RBKS: variants seen among roughly 807,000 people sequenced by gnomAD.
The protein encoded by RBKS is ribokinase.
In RBKS, 33 loss-of-function variants were observed where a neutral mutation model predicts 33.9. The ratio of observed to expected loss-of-function variants is 0.97; its 90% CI spans 0.74 to 1.30. RBKS has a LOEUF of 1.30. RBKS is among the 50% of genes most tolerant of loss of function. The pLI is 0.00. For missense variants in RBKS, 361 were observed against 392.6 expected, an observed-to-expected ratio of 0.92 and a Z score of 0.68; for synonymous variants, 125 against 143.0, an observed-to-expected ratio of 0.87 and a Z score of 0.90.
intron 4 of RBKS, among the ~76,000 whole-genome samples, chr2:27,845,467 T>C (rs1156606073): frequency 6.6e-6 from 1 of 152,162 alleles, no homozygotes; most frequent in Non-Finnish European, 1.5e-5. Flanking sequence ...ACATTATATC[T>C]TTGCATGGAA....
chr2:27,881,370 G>A (rs1268816712), intron 1 of RBKS, among the ~76,000 whole-genome samples: 3 of 151,856 alleles, frequency 2.0e-5, no homozygotes, highest in East Asian at 3.9e-4. Context: ...GCGAAACCCC[G>A]TCTCTACTAA....
chr2:27,840,023 T>C (rs567845637), intron 5 of RBKS, among the ~76,000 whole-genome samples: 72 of 136,892 alleles, frequency 5.3e-4, no homozygotes, highest in East Asian at 2.5e-3. Flanking sequence ...TCTTCTTCTT[T>C]TTTTTTTTTT....
chr2:27,874,761 G>C (rs1378622245), intron 1 of RBKS, among the ~76,000 whole-genome samples: 3 of 152,030 alleles, frequency 2.0e-5, no homozygotes, highest in African/African-American at 7.2e-5. Context: ...AATTTATGGG[G>C]AGTTTAAAAA....
intron 5 of RBKS, among the ~76,000 whole-genome samples, chr2:27,841,036 T>C (rs1405249821): frequency 2.6e-5 from 4 of 152,126 alleles, no homozygotes; most frequent in African/African-American, 7.2e-5. Flanking sequence ...TTAATAAAAG[T>C]GTGAAGTAGG....
intron 7 of RBKS, among the ~76,000 whole-genome samples, chr2:27,802,004 T>A (rs1355648471): frequency 2.6e-5 from 3 of 113,670 alleles, no homozygotes; most frequent in African/African-American, 7.1e-5. Context: ...TTTTTTTTTT[T>A]TTTTTTTTTT....
chr2:27,863,142 G>A (rs1664023210), intron 1 of RBKS, among the ~76,000 whole-genome samples: 1 of 152,096 alleles, frequency 6.6e-6, no homozygotes, highest in Non-Finnish European at 1.5e-5. Context: ...TCTGAATGAG[G>A]GAGAAAACCT....
chr2:27,857,958 G>A (rs770825142), intron 2 of RBKS, among the ~76,000 whole-genome samples: 4 of 152,136 alleles, frequency 2.6e-5, no homozygotes, highest in Non-Finnish European at 4.4e-5. Context: ...AACAGCCCAA[G>A]TGTCCATCAA....
rs148136621 is a variant in RBKS at position 27,838,061 on chromosome 2, G to A, written c.514+5006C>T. Among the ~76,000 whole-genome samples the A allele has an allele frequency of 9.0e-3, 1,371 of 152,222 alleles. 24 individuals carry two copies. Among genetic ancestry groups the A allele is most frequent in the African/African-American group, 0.031 (1,277 of 41,528 alleles). Reference sequence around the variant, plus strand: ...TTAAAAATACAAAAATTAGCTGGGTGTGGTGGTGCCTGCCTGTAATCCCAG... The same window carrying A: ...TTAAAAATACAAAAATTAGCTGGGTATGGTGGTGCCTGCCTGTAATCCCAG... On this transcript the variant is annotated intron_variant, in intron 5 of 7. Coordinates refer to ENST00000302188, the MANE Select transcript of RBKS (RefSeq NM_022128.3).
chr2:27,807,743 T>G (rs538500732), intron 7 of RBKS, among the ~76,000 whole-genome samples: 1 of 152,250 alleles, frequency 6.6e-6, no homozygotes, highest in African/African-American at 2.4e-5. Flanking sequence ...TACCCTGAGT[T>G]TTTGGTTGTG....
intron 7 of RBKS, among the ~76,000 whole-genome samples, chr2:27,801,710 G>A (rs1677787638): frequency 6.6e-6 from 1 of 151,866 alleles, no homozygotes; most frequent in South Asian, 2.1e-4. Context: ...AGGTGTACAA[G>A]CATGGTGCTG....
chr2:27,812,239 G>A (rs535498977), intron 7 of RBKS, among the ~76,000 whole-genome samples: 2,397 of 152,170 alleles, frequency 0.016, 29 homozygotes, highest in South Asian at 0.035. Flanking sequence ...GGAGAAATAG[G>A]AACACTTTTA....
At chr2:27,858,737 G>T (rs1663912617) in intron 1 of RBKS, among the ~76,000 whole-genome samples, 166 bp from the exon 2 acceptor site, 1 of 152,156 alleles carries the variant, frequency 6.6e-6, no homozygotes, top group African/African-American at 2.4e-5. Flanking sequence ...ATGACATTTA[G>T]TAGTTTGCAT....
At chr2:27,816,199 C>T (rs1678088160) in intron 7 of RBKS, among the ~76,000 whole-genome samples, 1 of 152,222 alleles carries the variant, frequency 6.6e-6, no homozygotes, top group Non-Finnish European at 1.5e-5. Context: ...TTCAACTGAT[C>T]ACACGCAGGA....
intron 1 of RBKS, among the ~76,000 whole-genome samples, chr2:27,862,897 ATCTT>A (rs1415186206): frequency 6.6e-6 from 1 of 152,202 alleles, no homozygotes; most frequent in Non-Finnish European, 1.5e-5. Context: ...AGACTTTCCT[ATCTT>A]TCTTCCTTAT....
intron 7 of RBKS, among the ~76,000 whole-genome samples, chr2:27,784,145 G>A (rs1344453596): frequency 5.3e-5 from 8 of 149,810 alleles, no homozygotes; most frequent in South Asian, 2.1e-4. Flanking sequence ...CACTACGCCC[G>A]GCTAATTTTT....
rs561636793 is a variant in RBKS, at chr2:27,822,212, G to A, written c.795+5355C>T. Among the ~76,000 whole-genome samples, 3 of 152,290 alleles carry A rather than the reference G, an allele frequency of 2.0e-5. No individual in the cohort carries two copies. In the East Asian group the frequency reaches 5.8e-4, roughly 29 times the overall value. On this transcript the variant is annotated intron_variant, in intron 7 of 7. Transcript: ENST00000302188. ...CCCAGCAGGACTATGGCTAAGCAGGGAACAGGGCCTCATGTTGCCTGGGTT... is the reference window on the plus strand; with the variant it reads ...CCCAGCAGGACTATGGCTAAGCAGGAAACAGGGCCTCATGTTGCCTGGGTT...
intron 3 of RBKS, 74 bp from the exon 4 acceptor site, chr2:27,847,178 C>T (rs1663638168): frequency 1.2e-6 from 1 of 839,330 alleles, no homozygotes; most frequent in Non-Finnish European, 2.0e-6. Flanking sequence ...AATTTCAATA[C>T]AACACTAATC....
In RBKS at chr2:27,832,694, C is replaced by A. The variant is rs200856899; in HGVS notation, c.598G>T (p.Glu200Ter). ...AAGCAATTCACCCTTACCTCACTTT[C>A]ATTGCAGCAGAACACATCTGAGAGG... ...YTLSDVFCCN[E>*]SEAEILTGLT... The change falls in exon 6 of 8, where the codon GAA (glutamate) becomes TAA (stop). Residue 200 changes from glutamate (E) to a stop codon, truncating the protein, a stop_gained. Coordinates refer to ENST00000302188, the MANE Select transcript of RBKS (RefSeq NM_022128.3). LOFTEE classifies it high-confidence loss of function. 3.8e-5 allele frequency: 61 copies of A among 1,610,198 alleles called. No homozygotes were observed. The highest frequency in any genetic ancestry group is 6.8e-6 in the Non-Finnish European group (8 of 1,176,752).
chr2:27,865,298 C>T (rs1214160598), intron 1 of RBKS, among the ~76,000 whole-genome samples: 2 of 152,062 alleles, frequency 1.3e-5, no homozygotes, highest in South Asian at 2.1e-4. Context: ...GCAGCCTGGG[C>T]GACAGAGCGA....
Sources: allele counts gnomAD v4.1 joint callset (sites outside exome capture counted in the v4.1 genomes callset), GRCh38; gene constraint gnomAD v4.1.1; transcripts MANE v1.5; gene names NCBI Gene and HGNC (gene_info 2026-07-23, HGNC 2026-07-21).